Variants in SLC26A3 observed in about 807,000 individuals in gnomAD.
SLC26A3 encodes solute carrier family 26 member 3, also known as chloride anion exchanger.
In SLC26A3, 64 loss-of-function variants were observed where a neutral mutation model predicts 85.6. The observed-to-expected ratio is 0.75, with a 90% CI of 0.61 to 0.92. SLC26A3 has a LOEUF of 0.92. Among genes scored for constraint, SLC26A3 ranks in the 40% least tolerant of loss-of-function variants. The pLI is 0.00. For synonymous variants in SLC26A3, 349 were observed against 336.0 expected (o/e 1.04, Z -0.42); for missense variants, 922 against 927.3 (o/e 0.99, Z 0.07).
At chr7:107,767,667 A>G (rs1775010074) in intron 19 of SLC26A3, 23 bp from the exon 20 acceptor site, 1 of 1,605,082 alleles carries the variant, frequency 6.2e-7, no homozygotes, top group Non-Finnish European at 8.5e-7. Flanking sequence ...GAATGGAAAT[A>G]TGGATTAGGG....
chr7:107,772,722 C>T (rs1365569862), intron 17 of SLC26A3, among the ~76,000 whole-genome samples: 1 of 151,948 alleles, frequency 6.6e-6, no homozygotes, highest in East Asian at 1.9e-4. Context: ...AATTAGAGCC[C>T]CTGTCCTTTG....
intron 11 of SLC26A3, among the ~76,000 whole-genome samples, chr7:107,781,840 A>G (rs1273869348): frequency 6.6e-6 from 1 of 152,212 alleles, no homozygotes; most frequent in Non-Finnish European, 1.5e-5. Flanking sequence ...GCTGTATCAT[A>G]TCTCTATGTC....
chr7:107,802,297 T>C (rs949823292), intron 1 of SLC26A3, among the ~76,000 whole-genome samples: 9 of 152,178 alleles, frequency 5.9e-5, no homozygotes, highest in Admixed American at 1.3e-4. Flanking sequence ...ATAGAGTTAG[T>C]AATGTATGGG....
intron 8 of SLC26A3, 120 bp downstream of exon 8, chr7:107,786,707 G>A: frequency 1.2e-6 from 1 of 847,978 alleles, no homozygotes; most frequent in South Asian, 1.3e-5. Context: ...GCAGGGTGCA[G>A]GGAGGATTCT....
chr7:107,785,567 T>C (rs531286827), intron 8 of SLC26A3, among the ~76,000 whole-genome samples: 1 of 152,332 alleles, frequency 6.6e-6, no homozygotes, highest in South Asian at 2.1e-4. Context: ...ATTTTTTCTA[T>C]TTGGTTTATG....
chr7:107,774,703 A>G, intron 16 of SLC26A3, 74 bp downstream of exon 16: 2 of 1,058,870 alleles, frequency 1.9e-6, no homozygotes, highest in East Asian at 2.4e-5. Context: ...ATTTAAAGGA[A>G]TGGAACTACA....
intron 4 of SLC26A3, among the ~76,000 whole-genome samples, chr7:107,791,467 T>C (rs1165915077): frequency 2.0e-5 from 3 of 151,924 alleles, no homozygotes; most frequent in Admixed American, 6.6e-5. Flanking sequence ...CAAAAATTAG[T>C]CAGGCGTGAT....
intron 1 of SLC26A3, among the ~76,000 whole-genome samples, chr7:107,800,547 C>T (rs1005476725): frequency 1.3e-5 from 2 of 152,238 alleles, no homozygotes; most frequent in African/African-American, 4.8e-5. Flanking sequence ...CCATGTCATA[C>T]ATTATTTGTT....
At chr7:107,792,433 T>G (rs564350249) in intron 3 of SLC26A3, among the ~76,000 whole-genome samples, 8 of 151,968 alleles carry the variant, frequency 5.3e-5, no homozygotes, top group Middle Eastern at 3.4e-3. Flanking sequence ...TGGGAGACCG[T>G]GACAGATCAT....
intron 15 of SLC26A3, chr7:107,775,885 G>A (rs11771791): frequency 0.029 from 4,527 of 156,840 alleles, 100 homozygotes; most frequent in Middle Eastern, 0.051. Context: ...AATAATAATA[G>A]TTAAGGTTTA....
At chr7:107,793,570 A>G (rs1794440383) in intron 3 of SLC26A3, among the ~76,000 whole-genome samples, 172 bp downstream of exon 3, 1 of 151,998 alleles carries the variant, frequency 6.6e-6, no homozygotes, top group Non-Finnish European at 1.5e-5. Flanking sequence ...GGTAGGGGGG[A>G]TGTGAAGTTA....
intron 20 of SLC26A3, among the ~76,000 whole-genome samples, chr7:107,766,257 A>G (rs902207429): frequency 6.6e-6 from 1 of 152,066 alleles, no homozygotes; most frequent in South Asian, 2.1e-4. Context: ...TTTTTTTAAT[A>G]TGGGGAAGCC....
At chr7:107,765,970 CA>C in intron 20 of SLC26A3, 92 bp from the exon 21 acceptor site, 1 of 1,121,260 alleles carries the variant, frequency 8.9e-7, no homozygotes, top group Non-Finnish European at 1.3e-6. Context: ...CCAGAGTTAA[CA>C]GGTTTTTTTT....
Position 107,774,116 on chromosome 7 carries a change from G to C in SLC26A3, c.1811C>G (p.Ser604Cys), listed in dbSNP as rs1426032854. Residue 604 changes from serine (S) to cysteine (C), a missense_variant, in exon 17 of 21, where the codon TCT becomes TGT. Coordinates refer to ENST00000340010, the MANE Select transcript of SLC26A3 (RefSeq NM_000111.3). The stretch of plus-strand genomic sequence containing the variant: ...CTGATTGTTGTCCAGCTCTTCGTCA[G>C]AATCTTTTATGGTGTCAACAGTACA... The part of the protein sequence containing the change: ...FICTVDTIKD[S>C]DEELDNNQIE... 1.2e-6 allele frequency: 2 copies of C among 1,614,148 alleles called. No homozygotes were observed. Among genetic ancestry groups the C allele is most frequent in the South Asian group, 2.2e-5 (2 of 91,082 alleles).
chr7:107,791,321 G>T (rs1584411306), intron 4 of SLC26A3, 86 bp from the exon 5 acceptor site: 2 of 1,421,048 alleles, frequency 1.4e-6, no homozygotes, highest in South Asian at 1.2e-5. Context: ...CATATAAAAT[G>T]ACTGGCAAGG....
At position 107,772,103 on chromosome 7, in the gene SLC26A3, C is replaced by CA; in HGVS notation, c.2012dup (p.Leu671PhefsTer17). On this transcript the variant is annotated frameshift_variant, in exon 18 of 21. Transcript: ENST00000340010. LOFTEE classifies it high-confidence loss of function. ...CTACCTTGATCCTGATAAATTCTTG[C>CA]AAAATCTGTTAAAAAGAAAAGTATA... 1 of 1,603,140 alleles carries CA rather than the reference C, an allele frequency of 6.2e-7. No homozygotes were observed. The highest frequency in any genetic ancestry group is 8.5e-7 in the Non-Finnish European group (1 of 1,170,222).
At position 107,793,861 on chromosome 7, in the gene SLC26A3, T is replaced by C; in HGVS notation, c.152A>G (p.Lys51Arg). ...VCCSCSPQKAKRIVLSLFPIA... is the reference protein window; with the variant it reads ...VCCSCSPQKARRIVLSLFPIA... ...GGGGAACAAAGAGAGGACAATTCTC[T>C]TGGCCTTTTGTGGGGAACAGCTGAA... Residue 51 changes from lysine (K) to arginine (R), a missense_variant, in exon 3 of 21, where the codon AAG (lysine) becomes AGG (arginine). Lys to Arg is a conservative substitution (Grantham distance 26). Coordinates refer to ENST00000340010, the MANE Select transcript of SLC26A3 (RefSeq NM_000111.3). 6.2e-7 allele frequency: 1 copy of C among 1,614,122 alleles called. No individual in the cohort carries two copies. Among genetic ancestry groups the C allele is most frequent in the Non-Finnish European group, 8.5e-7 (1 of 1,179,974 alleles).
At position 107,793,885 on chromosome 7, in the gene SLC26A3, A is replaced by G; in HGVS notation, c.132-4T>C. On this transcript the variant is annotated splice_region_variant and splice_polypyrimidine_tract_variant and intron_variant, in intron 2 of 20. Transcript: ENST00000340010. ...CTTGGCCTTTTGTGGGGAACAGCTG[A>G]AAACATGGAAAGCCACAGGTCAGTC... 1 of 1,614,088 alleles carries G rather than the reference A, an allele frequency of 6.2e-7. No individual in the cohort carries two copies. Among genetic ancestry groups the G allele is most frequent in the Non-Finnish European group, 8.5e-7 (1 of 1,179,958 alleles).
intron 8 of SLC26A3, among the ~76,000 whole-genome samples, chr7:107,783,628 T>C (rs906131628): frequency 3.9e-5 from 6 of 152,246 alleles, no homozygotes; most frequent in Admixed American, 3.9e-4. Flanking sequence ...ATAATGTGCG[T>C]GTGTATTCTT....
Sources: gnomAD v4.1 joint callset for allele counts (sites outside exome capture counted in the v4.1 genomes callset) on GRCh38, gnomAD v4.1.1 for gene constraint, MANE v1.5 for transcripts, NCBI Gene and HGNC (gene_info 2026-07-23, HGNC 2026-07-21) for gene names.